Variants in ELOVL6 observed in about 807,000 individuals in gnomAD.
ELOVL6 encodes ELOVL fatty acid elongase 6, also known as very long chain fatty acid elongase 6.
Under a neutral mutation model 31.7 loss-of-function variants are expected in ELOVL6, and 8 were observed. The observed-to-expected ratio is 0.25, with a 90% CI of 0.15 to 0.45. ELOVL6 has a LOEUF of 0.45. ELOVL6 is among the 20% of genes least tolerant of loss of function. The probability of loss-of-function intolerance (pLI) is 1.00; values close to 1 mark genes in which losing one functional copy is unlikely to be tolerated. For missense variants in ELOVL6, 126 were observed against 326.4 expected (o/e 0.39, Z 4.73); for synonymous variants, 101 against 117.7 (o/e 0.86, Z 0.92).
At chr4:110,073,517 A>C (rs1435726231) in intron 2 of ELOVL6, among the ~76,000 whole-genome samples, 1 of 152,182 alleles carries the variant, frequency 6.6e-6, no homozygotes, top group Non-Finnish European at 1.5e-5. Context: ...GGGTTTCATA[A>C]TAAAGGTTTC....
rs569568522 is a variant in ELOVL6 at position 110,048,536 on chromosome 4, G to C, written c.*2802C>G. On this transcript the variant is annotated 3_prime_UTR_variant, in exon 4 of 4. Coordinates refer to ENST00000302274, the MANE Select transcript of ELOVL6 (RefSeq NM_024090.3). ...AAACTTGCCTGCCCAAGTTTTTCTG[G>C]AATGTTAACTGGCAGCAGGATTATC... The C allele has an allele frequency of 2.6e-5, 4 of 152,242 alleles. No homozygotes were observed. The East Asian group carries it at 7.7e-4, about 29-fold the overall frequency. 9.4% of individuals were successfully genotyped at this position (152,242 alleles called of 1,614,324 possible).
intron 1 of ELOVL6, among the ~76,000 whole-genome samples, chr4:110,180,169 T>G (rs565628526): frequency 6.6e-6 from 1 of 152,348 alleles, no homozygotes; most frequent in East Asian, 1.9e-4. Context: ...GTGCTTATTG[T>G]ATCCATATAA....
intron 1 of ELOVL6, among the ~76,000 whole-genome samples, chr4:110,111,074 G>T (rs1757021124): frequency 6.6e-6 from 1 of 152,174 alleles, no homozygotes; most frequent in Non-Finnish European, 1.5e-5. Flanking sequence ...TTTAGTCCAT[G>T]AGATTCAATA....
intron 2 of ELOVL6, among the ~76,000 whole-genome samples, chr4:110,102,929 G>A (rs1578482310): frequency 6.6e-6 from 1 of 150,972 alleles, no homozygotes; most frequent in African/African-American, 2.4e-5. Context: ...GATGGGGGAC[G>A]GGGGGCGGGT....
At chr4:110,111,900 C>T (rs754077556) in intron 1 of ELOVL6, among the ~76,000 whole-genome samples, 7 of 152,216 alleles carry the variant, frequency 4.6e-5, no homozygotes, top group Non-Finnish European at 8.8e-5. Flanking sequence ...GCTGTATCTG[C>T]ACCTCAAGTT....
intron 1 of ELOVL6, among the ~76,000 whole-genome samples, chr4:110,148,757 C>A (rs201902958): frequency 2.5e-5 from 1 of 39,584 alleles, no homozygotes; most frequent in East Asian, 1.5e-3. Flanking sequence ...TAAATATATA[C>A]ACTTACTGTG....
At chr4:110,112,590 G>T (rs1004341541) in intron 1 of ELOVL6, among the ~76,000 whole-genome samples, 1 of 152,074 alleles carries the variant, frequency 6.6e-6, no homozygotes, top group African/African-American at 2.4e-5. Flanking sequence ...ATTAAAATCC[G>T]GGCTGAGTGT....
At chr4:110,144,022 C>G (rs1426992120) in intron 1 of ELOVL6, among the ~76,000 whole-genome samples, 2 of 144,724 alleles carry the variant, frequency 1.4e-5, no homozygotes, top group Non-Finnish European at 3.0e-5. Flanking sequence ...CCATTGCACT[C>G]CAGCCTGGGC....
At chr4:110,196,181 G>T (rs1263218724) in intron 1 of ELOVL6, among the ~76,000 whole-genome samples, 1 of 152,192 alleles carries the variant, frequency 6.6e-6, no homozygotes, top group Non-Finnish European at 1.5e-5. Flanking sequence ...CGGGCGTACA[G>T]TGAATGGGGT....
At chr4:110,167,781 C>T (rs1357814313) in intron 1 of ELOVL6, among the ~76,000 whole-genome samples, 2 of 152,112 alleles carry the variant, frequency 1.3e-5, no homozygotes, top group African/African-American at 4.8e-5. Flanking sequence ...AGCCATCCTC[C>T]CACCCTGGCC....
intron 2 of ELOVL6, among the ~76,000 whole-genome samples, chr4:110,097,139 C>T (rs1756602586): frequency 6.6e-6 from 1 of 151,952 alleles, no homozygotes; most frequent in African/African-American, 2.4e-5. Flanking sequence ...AACCCTGCCT[C>T]TACTAAAAAT....
chr4:110,128,167 G>T (rs1387719294), intron 1 of ELOVL6, among the ~76,000 whole-genome samples: 1 of 152,150 alleles, frequency 6.6e-6, no homozygotes, highest in Non-Finnish European at 1.5e-5. Context: ...GCCTGGCAAA[G>T]AAAGTGAGAG....
chr4:110,086,965 CTGT>C (rs1444093710), intron 2 of ELOVL6, among the ~76,000 whole-genome samples: 2 of 151,996 alleles, frequency 1.3e-5, no homozygotes, highest in African/African-American at 4.8e-5. Flanking sequence ...CTTTGCAGGT[CTGT>C]TGTGAGGATG....
chr4:110,068,874 G>A (rs2126225969), intron 2 of ELOVL6, among the ~76,000 whole-genome samples: 1 of 152,294 alleles, frequency 6.6e-6, no homozygotes. Flanking sequence ...TGGGGTCCAT[G>A]GCTCACGCCT....
intron 3 of ELOVL6, among the ~76,000 whole-genome samples, chr4:110,059,273 C>T (rs993077270): frequency 6.6e-6 from 1 of 152,160 alleles, no homozygotes; most frequent in African/African-American, 2.4e-5. Flanking sequence ...TTTCTTCCCC[C>T]ATGTTTTAAT....
At chr4:110,158,726 T>A (rs1758546765) in intron 1 of ELOVL6, among the ~76,000 whole-genome samples, 1 of 142,498 alleles carries the variant, frequency 7.0e-6, no homozygotes, top group Admixed American at 7.4e-5. Flanking sequence ...AATGGCACAA[T>A]CTCAGCTCAC....
At chr4:110,192,267 C>A (rs544139409) in intron 1 of ELOVL6, among the ~76,000 whole-genome samples, 9 of 151,686 alleles carry the variant, frequency 5.9e-5, no homozygotes, top group Middle Eastern at 3.4e-3. Flanking sequence ...TAAGGCAACT[C>A]TTAGATATGG....
At chr4:110,104,223 C>A (rs1756825245) in intron 2 of ELOVL6, among the ~76,000 whole-genome samples, 1 of 152,086 alleles carries the variant, frequency 6.6e-6, no homozygotes, top group African/African-American at 2.4e-5. Context: ...CCACAAATAT[C>A]AAAATACTTC....
chr4:110,084,103 A>ATATATGATATATAACATATATGC (rs1560813984), intron 2 of ELOVL6, among the ~76,000 whole-genome samples: 1,053 of 84,332 alleles, frequency 0.012, 83 homozygotes, highest in South Asian at 0.021. Context: ...CATATATATG[A>ATATATGATATATAACATATATGC]TATATATGAT....
Sources: allele counts gnomAD v4.1 joint callset (sites outside exome capture counted in the v4.1 genomes callset), GRCh38; gene constraint gnomAD v4.1.1; transcripts MANE v1.5; gene names NCBI Gene and HGNC (gene_info 2026-07-23, HGNC 2026-07-21).